The following GABRB1 variants were observed in gnomAD, a reference collection of about 807,000 sequenced individuals.
The protein encoded by GABRB1 is gamma-aminobutyric acid receptor subunit beta-1.
In GABRB1, 17 loss-of-function variants were observed where a neutral mutation model predicts 51.6. The observed-to-expected ratio is 0.33, with a 90% confidence interval of 0.23 to 0.49. GABRB1 has a LOEUF of 0.49. GABRB1 is among the 20% of genes least tolerant of loss of function. The pLI is 0.99. For missense variants in GABRB1, 410 were observed against 600.6 expected (o/e 0.68, Z 3.32); for synonymous variants, 247 against 218.9 (o/e 1.13, Z -1.14).
chr4:47,171,975 A>G (rs1158324232), intron 4 of GABRB1, among the ~76,000 whole-genome samples: 1 of 152,098 alleles, frequency 6.6e-6, no homozygotes, highest in Non-Finnish European at 1.5e-5. Flanking sequence ...TGTATCAAAG[A>G]GTGTTTCTTA....
chr4:47,192,918 G>A (rs887461757), intron 4 of GABRB1, among the ~76,000 whole-genome samples: 8 of 152,216 alleles, frequency 5.3e-5, no homozygotes, highest in African/African-American at 1.9e-4. Flanking sequence ...CCATTTTACA[G>A]ATGAGAAAAC....
chr4:47,147,758 T>C (rs1272804234), intron 3 of GABRB1, among the ~76,000 whole-genome samples: 1 of 152,014 alleles, frequency 6.6e-6, no homozygotes, highest in East Asian at 1.9e-4. Flanking sequence ...GAATGGGTGT[T>C]CCAGACCAAG....
chr4:47,323,370 A>G (rs537341819), intron 5 of GABRB1, among the ~76,000 whole-genome samples: 2 of 152,242 alleles, frequency 1.3e-5, no homozygotes, highest in Non-Finnish European at 2.9e-5. Context: ...GTGAATTAGC[A>G]TATGCCAATG....
At chr4:47,411,556 T>C (rs1370370845) in intron 8 of GABRB1, among the ~76,000 whole-genome samples, 1 of 152,204 alleles carries the variant, frequency 6.6e-6, no homozygotes, top group Non-Finnish European at 1.5e-5. Context: ...AGGGAGATCA[T>C]TGCAGTAATG....
rs968661528 is a variant in GABRB1 at position 47,032,767 on chromosome 4, A to G, written c.240+283A>G. 3 of 643,274 alleles carry G rather than the reference A, an allele frequency of 4.7e-6. No individual in the cohort carries two copies. In the African/African-American group the frequency reaches 5.4e-5, roughly 12 times the overall value. The allele number at this position is 643,274 out of a possible 1,614,324, so 39.8% of individuals were successfully genotyped here. ...TCTGCTGGGGCGGAGTCTGAGCGTT[A>G]CTTTAGCTGGGTTTCCCTGCGTGTT... On this transcript the variant is annotated intron_variant, in intron 3 of 8. Coordinates refer to ENST00000295454, the MANE Select transcript of GABRB1 (RefSeq NM_000812.4).
intron 5 of GABRB1, among the ~76,000 whole-genome samples, chr4:47,352,037 G>C (rs1428198859): frequency 1.3e-5 from 2 of 152,022 alleles, no homozygotes; most frequent in African/African-American, 4.8e-5. Flanking sequence ...CAGTGTAAAA[G>C]TGTTCCTATT....
At chr4:47,094,073 A>G (rs1428822014) in intron 3 of GABRB1, among the ~76,000 whole-genome samples, 1 of 151,912 alleles carries the variant, frequency 6.6e-6, no homozygotes, top group Non-Finnish European at 1.5e-5. Flanking sequence ...ATGTTCTAAC[A>G]GGCAAGCAGG....
rs1191836387 is a variant in GABRB1 at position 47,105,413 on chromosome 4, T to TCCTACACA, written c.241-55833_241-55832insACACACCT. Among the ~76,000 whole-genome samples the TCCTACACA allele has an allele frequency of 2.0e-5, 3 of 151,262 alleles. No homozygotes were observed. The East Asian group carries it at 5.8e-4, about 29-fold the overall frequency. ...GACCAGTGGTGTAGGAACAAGGTGG[T>TCCTACACA]CCTCTCTGTTGTTCTGGTTCAGGCT... On this transcript the variant is annotated intron_variant, in intron 3 of 8. Transcript: ENST00000295454.
Position 47,144,155 on chromosome 4 carries a change from T to C in GABRB1, c.241-17094T>C, listed in dbSNP as rs1440687286. On this transcript the variant is annotated intron_variant, in intron 3 of 8. Coordinates refer to ENST00000295454, the MANE Select transcript of GABRB1 (RefSeq NM_000812.4). The stretch of plus-strand genomic sequence containing the variant: ...ACAGATAAGAAGAAGTGCCAAATGA[T>C]AAGGTTGACTGAGTGACTGATAATG... 5.3e-5 allele frequency among the ~76,000 whole-genome samples: 8 copies of C among 151,934 alleles called. No homozygotes were observed. In the South Asian group the frequency reaches 8.3e-4, roughly 16 times the overall value.
At chr4:47,004,509 A>G (rs1056700334) in intron 1 of GABRB1, among the ~76,000 whole-genome samples, 6 of 152,228 alleles carry the variant, frequency 3.9e-5, no homozygotes, top group Admixed American at 3.9e-4. Flanking sequence ...CAGGCATGCA[A>G]TGCATAATAT....
At chr4:47,385,569 A>G (rs1727764119) in intron 5 of GABRB1, among the ~76,000 whole-genome samples, 1 of 152,176 alleles carries the variant, frequency 6.6e-6, no homozygotes, top group South Asian at 2.1e-4. Flanking sequence ...TACTCACAAC[A>G]TTTCTGACAC....
chr4:47,302,847 G>T (rs921871189), intron 4 of GABRB1, among the ~76,000 whole-genome samples: 5 of 151,802 alleles, frequency 3.3e-5, no homozygotes, highest in Admixed American at 6.6e-5. Flanking sequence ...CCAATTTCAG[G>T]TTACCATAAA....
At chr4:47,378,293 A>T (rs1435871508) in intron 5 of GABRB1, among the ~76,000 whole-genome samples, 1 of 152,206 alleles carries the variant, frequency 6.6e-6, no homozygotes, top group Non-Finnish European at 1.5e-5. Flanking sequence ...CCGCTGGCCT[A>T]GGTGCTAAGC....
intron 7 of GABRB1, 42 bp from the exon 8 acceptor site, chr4:47,406,640 A>C: frequency 1.2e-6 from 2 of 1,611,824 alleles, no homozygotes. Context: ...AAGGAACTTA[A>C]TAGTGGCACC....
intron 4 of GABRB1, among the ~76,000 whole-genome samples, chr4:47,303,220 AAATCACAGCC>A (rs774991142): frequency 1.1e-4 from 17 of 151,928 alleles, no homozygotes; most frequent in South Asian, 4.1e-4. Context: ...TGATTTCTAG[AAATCACAGCC>A]TTCTTGCAGT....
chr4:47,208,561 A>G (rs965290246), intron 4 of GABRB1, among the ~76,000 whole-genome samples: 1 of 152,142 alleles, frequency 6.6e-6, no homozygotes, highest in African/African-American at 2.4e-5. Flanking sequence ...TGAATTGTAT[A>G]CTTTAAATGG....
chr4:47,055,613 A>C (rs143684936), intron 3 of GABRB1, among the ~76,000 whole-genome samples: 50 of 152,302 alleles, frequency 3.3e-4, no homozygotes, highest in African/African-American at 1.1e-3. Context: ...GTGAGAGGGA[A>C]GATGTCTCAC....
At chr4:47,335,835 G>A (rs1233656069) in intron 5 of GABRB1, among the ~76,000 whole-genome samples, 1 of 152,148 alleles carries the variant, frequency 6.6e-6, no homozygotes, top group African/African-American at 2.4e-5. Flanking sequence ...CGAAGACCAT[G>A]AGAAGGGCAA....
intron 3 of GABRB1, among the ~76,000 whole-genome samples, chr4:47,047,276 T>A (rs1285283333): frequency 6.6e-6 from 1 of 152,158 alleles, no homozygotes; most frequent in Non-Finnish European, 1.5e-5. Flanking sequence ...GCTGGAAATA[T>A]AATCCTGGAG....
Sources: gnomAD v4.1 joint callset for allele counts (sites outside exome capture counted in the v4.1 genomes callset) on GRCh38, gnomAD v4.1.1 for gene constraint, MANE v1.5 for transcripts, NCBI Gene and HGNC (gene_info 2026-07-23, HGNC 2026-07-21) for gene names.